IRS1: variants seen among roughly 807,000 people sequenced by gnomAD.
IRS1 encodes insulin receptor substrate 1.
A neutral mutation model predicts 65.6 loss-of-function variants in IRS1; 34 were observed. The ratio of observed to expected loss-of-function variants is 0.52; its 90% CI spans 0.39 to 0.69. IRS1 has a LOEUF of 0.69. Among genes scored for constraint, IRS1 ranks in the 30% least tolerant of loss-of-function variants. The pLI is 0.00. For synonymous variants in IRS1, 699 were observed against 683.5 expected (o/e 1.02, Z -0.35); for missense variants, 1,641 against 1,720.2 (o/e 0.95, Z 0.81).
chr2:226,775,426 A>T (rs1939252197), intron 1 of IRS1, among the ~76,000 whole-genome samples: 1 of 152,244 alleles, frequency 6.6e-6, no homozygotes, highest in African/African-American at 2.4e-5. Flanking sequence ...GTGGGAGGTG[A>T]CAGATAAACA....
At position 226,741,818 on chromosome 2, in the gene IRS1, CACACACACATA is replaced by C. The variant is rs766585467; in HGVS notation, c.*22-5579_*22-5569del. 9.5e-3 allele frequency among the ~76,000 whole-genome samples: 1,295 copies of C among 136,680 alleles called. 26 individuals carry two copies. Among genetic ancestry groups the C allele is most frequent in the African/African-American group, 0.031 (1,215 of 39,792 alleles). 89.7% of individuals were successfully genotyped at this position (136,680 alleles called of 152,430 possible). A position where few individuals can be genotyped will look rare whatever the true frequency, so the allele number is the denominator to read the frequency against. On this transcript the variant is annotated intron_variant, in intron 1 of 1. Transcript: ENST00000305123. ...ACACACACACACACACACACACACA[CACACACACATA>C]ACACACACACACATATTATCATCAG...
intron 1 of IRS1, among the ~76,000 whole-genome samples, chr2:226,760,645 G>A (rs1938899509): frequency 6.6e-6 from 1 of 151,952 alleles, no homozygotes; most frequent in African/African-American, 2.4e-5. Context: ...AGATGAACAA[G>A]TGCACAGCTG....
intron 1 of IRS1, among the ~76,000 whole-genome samples, chr2:226,737,688 C>T (rs2106156696): frequency 6.6e-6 from 1 of 152,238 alleles, no homozygotes; most frequent in African/African-American, 2.4e-5. Flanking sequence ...GGGGCAATAG[C>T]TCTAGACACA....
chr2:226,752,655 C>T (rs987394015), intron 1 of IRS1, among the ~76,000 whole-genome samples: 2 of 152,230 alleles, frequency 1.3e-5, no homozygotes, highest in African/African-American at 2.4e-5. Flanking sequence ...ATTCACATAT[C>T]GTGTAATTCA....
rs200698564 is a variant in IRS1, at chr2:226,796,675, G to A, written c.2064C>T (p.Ala688=). The change falls in exon 1 of 2, where the codon GCC becomes GCT. Residue 688 remains alanine, a synonymous_variant. Transcript: ENST00000305123. The part of the protein sequence containing the change: ...GPSSSSSSSN[A]VPSGTSYGKL... ...TTCCATAGCTGGTCCCGGAAGGGAC[G>A]GCGTTGCTGCTGCTGCTGCTGCTGC... 5.0e-5 allele frequency: 80 copies of A among 1,613,890 alleles called. No individual in the cohort carries two copies. The highest frequency in any genetic ancestry group is 1.1e-4 in the East Asian group (5 of 44,872).
Position 226,796,498 on chromosome 2 carries a change from G to C in IRS1, c.2241C>G (p.Ser747=), listed in dbSNP as rs150579746. The C allele has an allele frequency of 6.2e-7, 1 of 1,613,912 alleles. No homozygotes were observed. Among genetic ancestry groups the C allele is most frequent in the Admixed American group, 1.7e-5 (1 of 60,024 alleles). Residue 747 remains serine, a synonymous_variant, in exon 1 of 2, where the codon TCC becomes TCG. Coordinates refer to ENST00000305123, the MANE Select transcript of IRS1 (RefSeq NM_005544.3). ...PVGDSNTSSP[S]DCYYGPEDPQ... is the part of the protein sequence containing the mutation. ...GGTCCTCAGGGCCGTAGTAGCAGTC[G>C]GAGGGGCTGCTGGTGTTGGAGTCCC...
chr2:226,768,725 C>CG (rs1453701538), intron 1 of IRS1, among the ~76,000 whole-genome samples: 11 of 152,286 alleles, frequency 7.2e-5, no homozygotes, highest in Non-Finnish European at 1.2e-4. Flanking sequence ...CAACCCCCAC[C>CG]TCCTGGGCTC....
intron 1 of IRS1, among the ~76,000 whole-genome samples, chr2:226,737,884 A>T (rs1440346294): frequency 3.9e-5 from 6 of 152,198 alleles, no homozygotes; most frequent in Admixed American, 3.9e-4. Flanking sequence ...CTTAATAAAT[A>T]GGAGTTAAAT....
At position 226,771,316 on chromosome 2, in the gene IRS1, C is replaced by T. The variant is rs572236370; in HGVS notation, c.*21+23673G>A. On this transcript the variant is annotated intron_variant, in intron 1 of 1. Coordinates refer to ENST00000305123, the MANE Select transcript of IRS1 (RefSeq NM_005544.3). ...TTCCCAAGCACATGGTATCAGCCGG[C>T]TGTCCGGTGGCTCAGTAGGCTCACT... Among the ~76,000 whole-genome samples, 5 of 152,240 alleles carry T rather than the reference C, an allele frequency of 3.3e-5. No homozygotes were observed. In the South Asian group the frequency reaches 1.0e-3, roughly 32 times the overall value.
intron 1 of IRS1, among the ~76,000 whole-genome samples, chr2:226,779,988 T>TTTTAGTAGAGGGGCTAA (rs1393245954): frequency 6.6e-6 from 1 of 152,178 alleles, no homozygotes; most frequent in Non-Finnish European, 1.5e-5. Context: ...CTTATGCATA[T>TTTTAGTAGAGGGGCTAA]TTTAGTAGAG....
chr2:226,788,746 A>G (rs1375873827), intron 1 of IRS1, among the ~76,000 whole-genome samples: 1 of 152,218 alleles, frequency 6.6e-6, no homozygotes, highest in African/African-American at 2.4e-5. Context: ...TTAGTTTGAA[A>G]TTAGTATGCA....
intron 1 of IRS1, among the ~76,000 whole-genome samples, chr2:226,780,478 A>T (rs1939359708): frequency 6.6e-6 from 1 of 152,188 alleles, no homozygotes; most frequent in Non-Finnish European, 1.5e-5. Context: ...TAATTTTCTC[A>T]TTGCTTTTGA....
At position 226,796,804 on chromosome 2, in the gene IRS1, C is replaced by G; in HGVS notation, c.1935G>C (p.Gln645His). The G allele has an allele frequency of 6.3e-7, 1 of 1,576,172 alleles. No individual in the cohort carries two copies. Among genetic ancestry groups the G allele is most frequent in the Non-Finnish European group, 8.6e-7 (1 of 1,159,060 alleles). Residue 645 changes from glutamine (Q) to histidine (H), a missense_variant, in exon 1 of 2, where the codon CAG becomes CAC. By Grantham distance (24) the Gln-to-His change is conservative. This residue lies in a region of IRS1 where 1,324 missense variants were observed against 1,361.0 expected (regional missense o/e 0.97). Coordinates refer to ENST00000305123, the MANE Select transcript of IRS1 (RefSeq NM_005544.3). Reference sequence around the variant, plus strand: ...GATGGCGTCTGATGGGATTGATGATCTGCTGTGGGGCAGATACGCTCTTGG... The same window carrying G: ...GATGGCGTCTGATGGGATTGATGATGTGCTGTGGGGCAGATACGCTCTTGG... ...MSPKSVSAPQ[Q>H]IINPIRRHPQ... is the part of the protein sequence containing the mutation.
chr2:226,739,928 G>C lies in IRS1; in HGVS notation c.*22-3678C>G, dbSNP rs946594472. On this transcript the variant is annotated intron_variant, in intron 1 of 1. Coordinates refer to ENST00000305123, the MANE Select transcript of IRS1 (RefSeq NM_005544.3). The stretch of plus-strand genomic sequence containing the variant: ...ACAATGATAAAGACTGGAATAAGCA[G>C]GGGAAAAGCCCGCATAGGCGTACAT... Among the ~76,000 whole-genome samples, 9 of 152,334 alleles carry C rather than the reference G, an allele frequency of 5.9e-5. No homozygotes were observed. In the East Asian group the frequency reaches 1.7e-3, roughly 29 times the overall value.
rs1939841459 is a variant in IRS1, at chr2:226,799,359, T to TTGCTGTTGC, written c.-630_-622dup. 5 of 1,259,024 alleles carry TTGCTGTTGC rather than the reference T, an allele frequency of 4.0e-6. No individual in the cohort carries two copies. Among genetic ancestry groups the TTGCTGTTGC allele is most frequent in the Admixed American group, 2.5e-5 (1 of 39,236 alleles). 78.0% of individuals were successfully genotyped at this position (1,259,024 alleles called of 1,614,324 possible). A position where few individuals can be genotyped will look rare whatever the true frequency, so the allele number is the denominator to read the frequency against. ...CGCAGAGACCGCGGCGCTGCGGCTG[T>TTGCTGTTGC]TGCTGTTGCTGCTGCTGCTGCTGCT... On this transcript the variant is annotated 5_prime_UTR_variant, in exon 1 of 2. Transcript: ENST00000305123. The surrounding 1 kb of genome is among the most constrained non-coding windows in gnomAD (Gnocchi z 6.1).
chr2:226,793,176 A>G (rs1939643342), intron 1 of IRS1, among the ~76,000 whole-genome samples: 1 of 152,194 alleles, frequency 6.6e-6, no homozygotes, highest in South Asian at 2.1e-4. Flanking sequence ...AATTCTCTTC[A>G]GAGCAAACAT....
chr2:226,755,570 A>T (rs1938780373), intron 1 of IRS1, among the ~76,000 whole-genome samples: 1 of 152,244 alleles, frequency 6.6e-6, no homozygotes, highest in Admixed American at 6.5e-5. Flanking sequence ...CAACTGGTTT[A>T]ACAAATCAAA....
chr2:226,784,138 A>G (rs1482853609), intron 1 of IRS1, among the ~76,000 whole-genome samples: 1 of 152,180 alleles, frequency 6.6e-6, no homozygotes, highest in African/African-American at 2.4e-5. Context: ...ATTGTGACCT[A>G]GTAAATGATT....
rs1177299863 is a variant in IRS1 at position 226,732,278 on chromosome 2, G to C, written c.*3994C>G. 6.6e-6 allele frequency: 1 copy of C among 151,946 alleles called. No individual in the cohort carries two copies. The highest frequency in any genetic ancestry group is 1.5e-5 in the Non-Finnish European group (1 of 68,030). The allele number at this position is 151,946 out of a possible 1,614,324, so 9.4% of individuals were successfully genotyped here. On this transcript the variant is annotated 3_prime_UTR_variant, in exon 2 of 2. Coordinates refer to ENST00000305123, the MANE Select transcript of IRS1 (RefSeq NM_005544.3). ...TACGGAAGGACCACAAAGATCTTCT[G>C]TGGCGCTGCCTCAGAAAGGACCCAT...
Sources: gnomAD v4.1 joint callset for allele counts (sites outside exome capture counted in the v4.1 genomes callset) on GRCh38, gnomAD v4.1.1 for gene constraint, gnomAD v4.1.1 regional missense constraint, Gnocchi (gnomAD v3.1) non-coding constraint, MANE v1.5 for transcripts, NCBI Gene and HGNC (gene_info 2026-07-23, HGNC 2026-07-21) for gene names.